The following SLC29A4 variants were observed in gnomAD, a reference collection of about 807,000 sequenced individuals.
SLC29A4 encodes the protein equilibrative nucleoside transporter 4.
SLC29A4 carries 36 observed loss-of-function variants against 43.9 expected under a neutral mutation model. The ratio of observed to expected loss-of-function variants is 0.82; its 90% CI spans 0.63 to 1.08. The LOEUF (loss-of-function observed/expected upper bound fraction) is 1.08. Among genes scored for constraint, SLC29A4 ranks in the 50% least tolerant of loss-of-function variants. The probability of loss-of-function intolerance (pLI) is 0.00; values close to 1 mark genes in which losing one functional copy is unlikely to be tolerated. For synonymous variants in SLC29A4, 491 were observed against 338.0 expected, an observed-to-expected ratio of 1.45 and a Z score of -4.97; for missense variants, 869 against 755.3, an observed-to-expected ratio of 1.15 and a Z score of -1.77.
intron 10 of SLC29A4, among the ~76,000 whole-genome samples, 160 bp downstream of exon 10, chr7:5,300,822 A>G (rs1786110843): frequency 1.3e-5 from 2 of 152,228 alleles, no homozygotes; most frequent in Non-Finnish European, 2.9e-5. Context: ...ATTCTCAGCC[A>G]CTTCATTCAC....
intron 2 of SLC29A4, among the ~76,000 whole-genome samples, 163 bp from the exon 3 acceptor site, chr7:5,290,569 A>T (rs1785239334): frequency 6.6e-6 from 1 of 152,142 alleles, no homozygotes; most frequent in African/African-American, 2.4e-5. Context: ...GTGGCTTTTG[A>T]TAATGGCCAG....
chr7:5,284,004 T>C (rs1784809111), intron 1 of SLC29A4, among the ~76,000 whole-genome samples: 1 of 147,862 alleles, frequency 6.8e-6, no homozygotes, highest in South Asian at 2.1e-4. Context: ...AGGGGGTCAC[T>C]GGGCCAGGCT....
rs1416601623 is a variant in SLC29A4, at chr7:5,299,001, CGGCCCT to C, written c.902_907del (p.Leu301_Ala302del). 2 of 1,609,744 alleles carry C rather than the reference CGGCCCT, an allele frequency of 1.2e-6. No individual in the cohort carries two copies. Among genetic ancestry groups the C allele is most frequent in the African/African-American group, 2.7e-5 (2 of 74,912 alleles). ...TCCTCCCTCCAGGAGCACCCAGCCC[CGGCCCT>C]GGCCCCCAACGAGTCCCCAAAGGAC... On this transcript the variant is annotated inframe_deletion, in exon 8 of 11. Transcript: ENST00000396872.
At chr7:5,289,331 T>A (rs892416596) in intron 2 of SLC29A4, among the ~76,000 whole-genome samples, 2 of 151,292 alleles carry the variant, frequency 1.3e-5, no homozygotes, top group African/African-American at 4.9e-5. Context: ...CAGGAGGGGG[T>A]GGTCGTAGTG....
rs137903684 is a variant in SLC29A4 at position 5,297,224 on chromosome 7, T to TCCCTTCTCTGTC, written c.882+42_882+53dup. The stretch of plus-strand genomic sequence containing the variant: ...GTAAGTGCGCACCGCCCACCTCTGT[T>TCCCTTCTCTGTC]CCCTTCTCTGTCCCCTTCTCTGTCC... On this transcript the variant is annotated intron_variant, in intron 7 of 10. Coordinates refer to ENST00000396872, the MANE Select transcript of SLC29A4 (RefSeq NM_153247.4). 5.1e-3 allele frequency: 7,743 copies of TCCCTTCTCTGTC among 1,507,950 alleles called. 34 individuals are homozygous for TCCCTTCTCTGTC. The highest frequency in any genetic ancestry group is 8.8e-3 in the African/African-American group (629 of 71,676). The allele number at this position is 1,507,950 out of a possible 1,614,324, so 93.4% of individuals were successfully genotyped here.
At chr7:5,289,055 A>C (rs1223971095) in intron 2 of SLC29A4, among the ~76,000 whole-genome samples, 1 of 152,156 alleles carries the variant, frequency 6.6e-6, no homozygotes, top group African/African-American at 2.4e-5. Flanking sequence ...TGTAAGCTAT[A>C]GTTCTTTTCT....
chr7:5,289,124 C>T (rs1487887647), intron 2 of SLC29A4, among the ~76,000 whole-genome samples: 4 of 152,132 alleles, frequency 2.6e-5, no homozygotes, highest in Non-Finnish European at 5.9e-5. Context: ...AGGCTCGGCA[C>T]GGTGGCTCAT....
At chr7:5,285,277 A>G (rs1463426685) in intron 1 of SLC29A4, among the ~76,000 whole-genome samples, 5 of 140,002 alleles carry the variant, frequency 3.6e-5, no homozygotes, top group African/African-American at 1.3e-4. Context: ...CCCACCCCCA[A>G]CCCCCCAGCT....
chr7:5,300,670 C>T lies in SLC29A4; in HGVS notation c.1450+8C>T, dbSNP rs1786097397. 1.2e-6 allele frequency: 2 copies of T among 1,605,020 alleles called. No individual in the cohort carries two copies. The highest frequency in any genetic ancestry group is 1.7e-6 in the Non-Finnish European group (2 of 1,178,380). ...AGCAGCGGGAGCTGGCAGGTGAGGCCCGCGGGACGTGGGGGTGGGGGCGTC... is the reference window on the plus strand; with the variant it reads ...AGCAGCGGGAGCTGGCAGGTGAGGCTCGCGGGACGTGGGGGTGGGGGCGTC... On this transcript the variant is annotated splice_region_variant and intron_variant, in intron 10 of 10. Coordinates refer to ENST00000396872, the MANE Select transcript of SLC29A4 (RefSeq NM_153247.4).
At chr7:5,289,168 C>T (rs370052776) in intron 2 of SLC29A4, among the ~76,000 whole-genome samples, 2 of 151,942 alleles carry the variant, frequency 1.3e-5, no homozygotes, top group Non-Finnish European at 2.9e-5. Context: ...AGGCTGAGGC[C>T]GGAGGAACAC....
chr7:5,299,475 G>T, intron 9 of SLC29A4, 48 bp downstream of exon 9: 1 of 1,575,734 alleles, frequency 6.3e-7, no homozygotes, highest in Non-Finnish European at 8.6e-7. Context: ...TGGGGTGGGG[G>T]TGACAAGGGA....
At position 5,296,289 on chromosome 7, in the gene SLC29A4, C is replaced by A. The variant is rs191741246; in HGVS notation, c.620-647C>A. 4.0e-3 allele frequency among the ~76,000 whole-genome samples: 606 copies of A among 151,796 alleles called. 4 individuals carry two copies. Among genetic ancestry groups the A allele is most frequent in the African/African-American group, 0.014 (579 of 41,384 alleles). On this transcript the variant is annotated intron_variant, in intron 6 of 10. Transcript: ENST00000396872. ...ACCATCTTGTTGCATCCATCCTCTT[C>A]CCACCCTGCGCCCGTGTGTCATCGT...
At chr7:5,283,203 G>GCCCGC (rs1298870671) in intron 1 of SLC29A4, 121 bp downstream of exon 1, 2 of 97,026 alleles carry the variant, frequency 2.1e-5, no homozygotes, top group East Asian at 6.2e-4. Flanking sequence ...CCTCTCCCCA[G>GCCCGC]CCCGCCCCTG....
At chr7:5,301,446 G>A (rs1181147261) in intron 10 of SLC29A4, among the ~76,000 whole-genome samples, 1 of 152,108 alleles carries the variant, frequency 6.6e-6, no homozygotes, top group Non-Finnish European at 1.5e-5. Context: ...AGACCTGGAG[G>A]AGGTAGCAAG....
intron 7 of SLC29A4, among the ~76,000 whole-genome samples, chr7:5,297,451 T>C (rs529366763): frequency 6.6e-6 from 1 of 152,342 alleles, no homozygotes; most frequent in South Asian, 2.1e-4. Flanking sequence ...TCTGCCCAGC[T>C]GCTGTGCCCC....
At position 5,283,827 on chromosome 7, in the gene SLC29A4, C is replaced by T. The variant is rs565178548; in HGVS notation, c.-9+745C>T. On this transcript the variant is annotated intron_variant, in intron 1 of 10. Transcript: ENST00000396872. Reference sequence around the variant, plus strand: ...GGTGACTGAGCCGGGAGTGCGAGCCCAGGCCCGCTTTCCAAGTGGAATTCG... The same window carrying T: ...GGTGACTGAGCCGGGAGTGCGAGCCTAGGCCCGCTTTCCAAGTGGAATTCG... Among the ~76,000 whole-genome samples the T allele has an allele frequency of 4.1e-4, 63 of 152,326 alleles. 2 individuals carry two copies. In the South Asian group the frequency reaches 0.013, roughly 31 times the overall value.
chr7:5,289,927 C>G (rs185998892), intron 2 of SLC29A4, among the ~76,000 whole-genome samples: 42 of 152,202 alleles, frequency 2.8e-4, no homozygotes, highest in African/African-American at 1.0e-3. Context: ...GTGCTCTTGC[C>G]CAGGCTGGAG....
Position 5,294,943 on chromosome 7 carries a change from C to G in SLC29A4, c.619+9C>G. 6.2e-7 allele frequency: 1 copy of G among 1,602,268 alleles called. No individual in the cohort carries two copies. The highest frequency in any genetic ancestry group is 8.5e-7 in the Non-Finnish European group (1 of 1,176,086). On this transcript the variant is annotated intron_variant, in intron 6 of 10. Coordinates refer to ENST00000396872, the MANE Select transcript of SLC29A4 (RefSeq NM_153247.4). ...GGTGATGACCGGGGAGAGTGAGTAT[C>G]TGCAGACCCCCCGGGGAGGGGGTGC...
In SLC29A4 at chr7:5,286,340, T is replaced by C. The variant is rs142421898; in HGVS notation, c.-8-1469T>C. ...GAGGTCGAGACCATCCTGGCCAACA[T>C]GGTGAAACGCCATCTCTACTAAAAA... On this transcript the variant is annotated intron_variant, in intron 1 of 10. Coordinates refer to ENST00000396872, the MANE Select transcript of SLC29A4 (RefSeq NM_153247.4). Among the ~76,000 whole-genome samples, 167 of 151,944 alleles carry C rather than the reference T, an allele frequency of 1.1e-3. 2 individuals are homozygous for C. The East Asian group carries it at 0.029, about 27-fold the overall frequency.
Sources: allele counts gnomAD v4.1 joint callset (sites outside exome capture counted in the v4.1 genomes callset), GRCh38; gene constraint gnomAD v4.1.1; transcripts MANE v1.5; gene names NCBI Gene and HGNC (gene_info 2026-07-23, HGNC 2026-07-21).